PDE11A: variants seen among roughly 807,000 people sequenced by gnomAD.
PDE11A encodes dual 3',5'-cyclic-AMP and -GMP phosphodiesterase 11A.
A neutral mutation model predicts 100.5 loss-of-function variants in PDE11A; 100 were observed. The ratio of observed to expected loss-of-function variants is 1.00; its 90% confidence interval spans 0.85 to 1.18. The LOEUF (loss-of-function observed/expected upper bound fraction) is 1.18, where lower values mean the gene tolerates loss of function less well. Among genes scored for constraint, PDE11A ranks in the 50% most tolerant of loss-of-function variants. PDE11A has a pLI of 0.00. For synonymous variants in PDE11A, 381 were observed against 420.8 expected, an observed-to-expected ratio of 0.91 and a Z score of 1.16; for missense variants, 1,141 against 1,152.6, an observed-to-expected ratio of 0.99 and a Z score of 0.15.
intron 3 of PDE11A, among the ~76,000 whole-genome samples, chr2:177,901,883 T>C (rs1029239954): frequency 6.6e-6 from 1 of 152,240 alleles, no homozygotes; most frequent in Non-Finnish European, 1.5e-5. Flanking sequence ...TATACAAGAA[T>C]ATTTATCTCA....
intron 9 of PDE11A, chr2:177,797,105 T>C (rs1258561833): frequency 6.6e-6 from 1 of 152,214 alleles, no homozygotes; most frequent in African/African-American, 2.4e-5. Flanking sequence ...TTAATTACTG[T>C]CATCACAGTC....
intron 15 of PDE11A, among the ~76,000 whole-genome samples, chr2:177,694,079 T>A (rs1291257976): frequency 2.0e-5 from 3 of 152,188 alleles, no homozygotes; most frequent in Non-Finnish European, 2.9e-5. Flanking sequence ...AAAACAATAA[T>A]GCTGATGAAA....
intron 2 of PDE11A, among the ~76,000 whole-genome samples, chr2:177,971,788 A>G (rs1217336487): frequency 6.6e-6 from 1 of 152,168 alleles, no homozygotes; most frequent in Non-Finnish European, 1.5e-5. Flanking sequence ...CAGTCACTCA[A>G]CTTATTACAG....
At chr2:178,003,276 T>C (rs1220377742) in intron 2 of PDE11A, among the ~76,000 whole-genome samples, 1 of 152,076 alleles carries the variant, frequency 6.6e-6, no homozygotes. Flanking sequence ...TTATTCATAA[T>C]AGTCAAGAAG....
chr2:177,927,456 A>T (rs1455621935), intron 2 of PDE11A, among the ~76,000 whole-genome samples: 1 of 152,240 alleles, frequency 6.6e-6, no homozygotes, highest in African/African-American at 2.4e-5. Flanking sequence ...AGATTATAAG[A>T]GAACAAAACT....
chr2:178,004,087 C>T (rs1527288), intron 2 of PDE11A, among the ~76,000 whole-genome samples: 144,230 of 152,208 alleles, frequency 0.95, 68,824 homozygotes, highest in East Asian at 1. Flanking sequence ...TTTATGCAAA[C>T]TTTTAAAACA....
At chr2:177,956,971 C>T (rs2085572047) in intron 2 of PDE11A, among the ~76,000 whole-genome samples, 1 of 151,948 alleles carries the variant, frequency 6.6e-6, no homozygotes, top group South Asian at 2.1e-4. Context: ...TTAATGGGTG[C>T]AGCACGCCAA....
chr2:178,095,316 G>A lies in PDE11A; in HGVS notation c.162+8986C>T, dbSNP rs1245508199. 2.0e-5 allele frequency among the ~76,000 whole-genome samples: 3 copies of A among 152,290 alleles called. No individual in the cohort carries two copies. In the South Asian group the frequency reaches 6.2e-4, roughly 32 times the overall value. On this transcript the variant is annotated intron_variant, in intron 2 of 20. Coordinates refer to the PDE11A transcript ENST00000358450. ...ATTGGCCAAAACAAAGGGGCTACAG[G>A]CCCCGTGCAAGTCCGAAATCCAGCA...
upstream of PDE11A, among the ~76,000 whole-genome samples, chr2:178,076,910 A>C (rs545960123): frequency 1.3e-5 from 2 of 152,094 alleles, no homozygotes; most frequent in Admixed American, 6.5e-5. Context: ...GAGGCTGCTC[A>C]GTTTTTCTCC....
intron 4 of PDE11A, among the ~76,000 whole-genome samples, chr2:177,880,291 C>CA (rs1168029918): frequency 6.6e-6 from 1 of 152,160 alleles, no homozygotes; most frequent in East Asian, 1.9e-4. Context: ...CTTTGGGACA[C>CA]ATGGTATCAG....
chr2:178,052,651 A>G (rs1303336771), intron 1 of PDE11A, among the ~76,000 whole-genome samples: 2 of 152,148 alleles, frequency 1.3e-5, no homozygotes, highest in African/African-American at 2.4e-5. Flanking sequence ...AGAAGAATCA[A>G]ATAGATGCAA....
intron 5 of PDE11A, among the ~76,000 whole-genome samples, chr2:177,857,698 T>C (rs933139739): frequency 6.6e-6 from 1 of 151,978 alleles, no homozygotes; most frequent in Non-Finnish European, 1.5e-5. Flanking sequence ...ACTAGTTACA[T>C]TAAATGTAAG....
At chr2:177,896,930 GAAAT>G (rs889560971) in intron 4 of PDE11A, among the ~76,000 whole-genome samples, 1 of 151,994 alleles carries the variant, frequency 6.6e-6, no homozygotes, top group Non-Finnish European at 1.5e-5. Flanking sequence ...GACTGAAACA[GAAAT>G]AACCCCAATC....
At chr2:178,067,633 A>G (rs2087065374) in intron 1 of PDE11A, among the ~76,000 whole-genome samples, 1 of 152,194 alleles carries the variant, frequency 6.6e-6, no homozygotes. Context: ...TTTCATTATG[A>G]GCCCAGTCAC....
chr2:177,902,713 C>T (rs953466358), intron 3 of PDE11A, among the ~76,000 whole-genome samples: 1 of 152,188 alleles, frequency 6.6e-6, no homozygotes, highest in Non-Finnish European at 1.5e-5. Flanking sequence ...CTGACATCTT[C>T]CCAGAGCTTT....
chr2:178,072,093 T>TCTC lies in PDE11A; in HGVS notation c.342_344dup (p.Arg115dup). On this transcript the variant is annotated inframe_insertion, in exon 1 of 20. Transcript: ENST00000286063. The stretch of plus-strand genomic sequence containing the variant: ...TCTTCCTTAGCTCTTTCTGAGAAGC[T>TCTC]CTCCGCTGCAGGTTCCCATCGCCCC... 2 of 1,613,998 alleles carry TCTC rather than the reference T, an allele frequency of 1.2e-6. No individual in the cohort carries two copies. The highest frequency in any genetic ancestry group is 1.7e-6 in the Non-Finnish European group (2 of 1,179,964).
rs1255484932 is a variant in PDE11A at position 177,874,690 on chromosome 2, G to C, written c.1367+1169C>G. Reference sequence around the variant, plus strand: ...TGGCCAATTATGGACAAACAAGAGGGAGGAAGAGAAACAAAGAGCAAAAAT... The same window carrying C: ...TGGCCAATTATGGACAAACAAGAGGCAGGAAGAGAAACAAAGAGCAAAAAT... On this transcript the variant is annotated intron_variant, in intron 5 of 19. Transcript: ENST00000286063. 2.0e-5 allele frequency among the ~76,000 whole-genome samples: 3 copies of C among 152,316 alleles called. No individual in the cohort carries two copies. In the East Asian group the frequency reaches 5.8e-4, roughly 29 times the overall value.
At chr2:177,845,130 C>T (rs2083561373) in intron 5 of PDE11A, among the ~76,000 whole-genome samples, 1 of 151,922 alleles carries the variant, frequency 6.6e-6, no homozygotes, top group Non-Finnish European at 1.5e-5. Context: ...CAGAGGCGCT[C>T]CTCACCTCCC....
At chr2:177,673,389 G>A (rs889136438) in intron 17 of PDE11A, among the ~76,000 whole-genome samples, 7 of 152,190 alleles carry the variant, frequency 4.6e-5, no homozygotes, top group Admixed American at 2.6e-4. Context: ...ACATCTCCCA[G>A]AGAATCAGGG....
Sources: gnomAD v4.1 joint callset for allele counts (sites outside exome capture counted in the v4.1 genomes callset) on GRCh38, gnomAD v4.1.1 for gene constraint, MANE v1.5 for transcripts, NCBI Gene and HGNC (gene_info 2026-07-23, HGNC 2026-07-21) for gene names.